The following RASSF5 variants were observed in gnomAD, a reference collection of about 807,000 sequenced individuals.
RASSF5 encodes ras association domain-containing protein 5.
RASSF5 carries 25 observed loss-of-function variants against 40.5 expected under a neutral mutation model. The observed-to-expected ratio is 0.62, with a 90% CI of 0.45 to 0.86. The LOEUF is 0.86. Among genes scored for constraint, RASSF5 ranks in the 40% least tolerant of loss-of-function variants. The probability of loss-of-function intolerance (pLI) is 0.00; values close to 1 mark genes in which losing one functional copy is unlikely to be tolerated. For synonymous variants in RASSF5, 246 were observed against 252.4 expected (o/e 0.97, Z 0.24); for missense variants, 521 against 572.8 (o/e 0.91, Z 0.92).
chr1:206,583,178 TG>T, intron 2 of RASSF5, 90 bp from the exon 3 acceptor site: 1 of 827,032 alleles, frequency 1.2e-6, no homozygotes, highest in Non-Finnish European at 2.1e-6. Flanking sequence ...GCTCACTTCT[TG>T]GTTAGAGAGG....
intron 2 of RASSF5, among the ~76,000 whole-genome samples, chr1:206,545,953 ATTT>A (rs369989700): frequency 1.6e-5 from 2 of 125,118 alleles, no homozygotes; most frequent in Non-Finnish European, 1.7e-5. Context: ...ATATAGCTAG[ATTT>A]TTTTTTTTTT....
intron 1 of RASSF5, among the ~76,000 whole-genome samples, chr1:206,534,364 G>T (rs1553398358): frequency 6.6e-6 from 1 of 152,156 alleles, no homozygotes; most frequent in African/African-American, 2.4e-5. Flanking sequence ...GGCTACAAAG[G>T]GGAAAGGATC....
At chr1:206,550,597 T>C (rs1667813121) in intron 2 of RASSF5, among the ~76,000 whole-genome samples, 1 of 152,220 alleles carries the variant, frequency 6.6e-6, no homozygotes, top group South Asian at 2.1e-4. Flanking sequence ...GTGTGGTTGT[T>C]GTGGCAACTG....
chr1:206,586,714 A>T lies in RASSF5; in HGVS notation c.1105-112A>T, dbSNP rs1572377538. The T allele has an allele frequency of 9.8e-6, 8 of 816,336 alleles. No individual in the cohort carries two copies. The East Asian group carries it at 1.9e-4, about 20-fold the overall frequency. 50.6% of individuals were successfully genotyped at this position (816,336 alleles called of 1,614,324 possible). On this transcript the variant is annotated intron_variant, in intron 5 of 5. Coordinates refer to ENST00000579436, the MANE Select transcript of RASSF5 (RefSeq NM_182663.4). The stretch of plus-strand genomic sequence containing the variant: ...TCTGTTCAGTAGCAAACTGTGTGTG[A>T]ATCACGGATGTGAACTGGGAAGGGG...
At chr1:206,569,609 T>C (rs1369610077) in intron 2 of RASSF5, among the ~76,000 whole-genome samples, 1 of 152,206 alleles carries the variant, frequency 6.6e-6, no homozygotes, top group Non-Finnish European at 1.5e-5. Flanking sequence ...CATCTCAAAT[T>C]ATGTCAAAGT....
At chr1:206,583,446 CCTCA>C (rs1668975408) in intron 3 of RASSF5, 67 bp downstream of exon 3, 7 of 1,078,178 alleles carry the variant, frequency 6.5e-6, no homozygotes, top group Non-Finnish European at 1.0e-5. Flanking sequence ...GCGCCTCTGC[CCTCA>C]CTCTGAATTC....
At chr1:206,510,536 G>GT (rs1243002368) in intron 1 of RASSF5, among the ~76,000 whole-genome samples, 5 of 152,198 alleles carry the variant, frequency 3.3e-5, no homozygotes, top group Non-Finnish European at 5.9e-5. Context: ...TCTAACAGCT[G>GT]TAACAACTAG....
Position 206,513,776 on chromosome 1 carries a change from T to C in RASSF5, c.457+5717T>C, listed in dbSNP as rs1158825794. Among the ~76,000 whole-genome samples the C allele has an allele frequency of 1.3e-5, 2 of 152,056 alleles. No homozygotes were observed. The highest frequency in any genetic ancestry group is 6.5e-5 in the Admixed American group (1 of 15,272). On this transcript the variant is annotated intron_variant, in intron 1 of 5. Coordinates refer to ENST00000579436, the MANE Select transcript of RASSF5 (RefSeq NM_182663.4). The surrounding 1 kb of genome is among the most constrained non-coding windows in gnomAD (Gnocchi z 5.0). ...AGGGTCGGAAGGGGAACAGAGCCAGTTTTGGGGCTTAGGGGAAACAGCGAG... is the reference window on the plus strand; with the variant it reads ...AGGGTCGGAAGGGGAACAGAGCCAGCTTTGGGGCTTAGGGGAAACAGCGAG...
intron 1 of RASSF5, among the ~76,000 whole-genome samples, chr1:206,514,359 C>A (rs942514962): frequency 3.3e-5 from 5 of 152,150 alleles, no homozygotes; most frequent in Non-Finnish European, 1.5e-5. Flanking sequence ...GGGCATGGGG[C>A]AGAGGGATCG....
At chr1:206,538,065 T>C (rs1309693138) in intron 1 of RASSF5, 107 bp from the exon 2 acceptor site, 1 of 1,496,624 alleles carries the variant, frequency 6.7e-7, no homozygotes, top group African/African-American at 1.4e-5. Context: ...TCTCCTGCAC[T>C]GCTCTTCCCA....
intron 2 of RASSF5, among the ~76,000 whole-genome samples, chr1:206,558,957 C>T (rs1168053404): frequency 2.0e-5 from 3 of 152,130 alleles, no homozygotes; most frequent in African/African-American, 4.8e-5. Context: ...GTTCTTGCCG[C>T]GTGGTATAAG....
chr1:206,528,319 G>A (rs1286265387), intron 1 of RASSF5, among the ~76,000 whole-genome samples: 1 of 151,994 alleles, frequency 6.6e-6, no homozygotes, highest in Admixed American at 6.6e-5. Context: ...AATTGGCTAC[G>A]TATCTTATGA....
In RASSF5 at chr1:206,584,608, G is replaced by A. The variant is rs782224785; in HGVS notation, c.912G>A (p.Gly304=). 6.2e-7 allele frequency: 1 copy of A among 1,614,216 alleles called. No individual in the cohort carries two copies. The highest frequency in any genetic ancestry group is 8.5e-7 in the Non-Finnish European group (1 of 1,180,042). Residue 304 remains glycine, a synonymous_variant, in exon 4 of 6, where the codon GGG becomes GGA. Coordinates refer to ENST00000579436, the MANE Select transcript of RASSF5 (RefSeq NM_182663.4). This position sits in a 1 kb window ranked among gnomAD's most constrained non-coding sequence, Gnocchi z 4.9. ...STTTVSEVIQ[G]LLKKFMVVDN... ...CCACCGTCAGTGAGGTCATCCAGGG[G>A]CTGCTCAAGAAGTTCATGGTTGTGG...
intron 2 of RASSF5, among the ~76,000 whole-genome samples, chr1:206,558,380 G>A (rs1262580838): frequency 2.6e-5 from 4 of 151,978 alleles, no homozygotes. Context: ...TCTCCTAGTT[G>A]GCTGCAGGCC....
chr1:206,551,495 G>A (rs17009915), intron 2 of RASSF5, among the ~76,000 whole-genome samples: 3,822 of 152,284 alleles, frequency 0.025, 168 homozygotes, highest in African/African-American at 0.087. Context: ...GCTGGCCAAA[G>A]CTGTCAGTGA....
intron 2 of RASSF5, among the ~76,000 whole-genome samples, chr1:206,561,816 C>T (rs1243311221): frequency 1.3e-5 from 2 of 149,170 alleles, no homozygotes; most frequent in African/African-American, 4.9e-5. Context: ...CAGGCACCCA[C>T]CACCACACCC....
chr1:206,519,707 A>G (rs1272787712), intron 1 of RASSF5, among the ~76,000 whole-genome samples: 1 of 152,210 alleles, frequency 6.6e-6, no homozygotes, highest in Non-Finnish European at 1.5e-5. Context: ...TGGGACTAAA[A>G]TGAAGTGCCA....
chr1:206,572,766 T>C (rs1408642749), intron 2 of RASSF5: 1 of 152,276 alleles, frequency 6.6e-6, no homozygotes, highest in East Asian at 1.9e-4. Flanking sequence ...AGGATATTGA[T>C]GTATTTGTCT....
At chr1:206,537,974 G>C (rs375340576) in intron 1 of RASSF5, among the ~76,000 whole-genome samples, 198 bp from the exon 2 acceptor site, 55 of 152,354 alleles carry the variant, frequency 3.6e-4, no homozygotes, top group East Asian at 1.5e-3. Flanking sequence ...TTGCAAACGC[G>C]TAGAGCACTT....
Sources: allele counts gnomAD v4.1 joint callset (sites outside exome capture counted in the v4.1 genomes callset), GRCh38; gene constraint gnomAD v4.1.1; non-coding constraint Gnocchi (gnomAD v3.1); transcripts MANE v1.5; gene names NCBI Gene and HGNC (gene_info 2026-07-23, HGNC 2026-07-21).